Variants in CA1 observed in about 807,000 individuals in gnomAD.
The protein encoded by CA1 is carbonate dehydratase I.
A neutral mutation model predicts 28.8 loss-of-function variants in CA1; 27 were observed. That is an observed-to-expected ratio of 0.94 (90% CI 0.69 to 1.29). The LOEUF is 1.29. Ranked by LOEUF, CA1 falls within the 50% of genes most tolerant of loss-of-function variation. The pLI is 0.00. For missense variants in CA1, 335 were observed against 310.5 expected (o/e 1.08, Z -0.59); for synonymous variants, 121 against 108.8 (o/e 1.11, Z -0.70).
intron 1 of CA1, among the ~76,000 whole-genome samples, chr8:85,360,284 A>C (rs545916680): frequency 6.6e-6 from 1 of 152,360 alleles, no homozygotes; most frequent in South Asian, 2.1e-4. Flanking sequence ...ATTTTCCCTG[A>C]AAGTAGGCCT....
At chr8:85,352,332 T>G (rs1435147929) in intron 1 of CA1, among the ~76,000 whole-genome samples, 1 of 152,142 alleles carries the variant, frequency 6.6e-6, no homozygotes, top group African/African-American at 2.4e-5. Context: ...GCTCCCTCTC[T>G]CTACTTCCTC....
intron 1 of CA1, among the ~76,000 whole-genome samples, chr8:85,350,373 G>A (rs1809356929): frequency 6.6e-6 from 1 of 152,168 alleles, no homozygotes; most frequent in Non-Finnish European, 1.5e-5. Context: ...GACTTGAAAG[G>A]CGCTGCATTT....
In CA1 at chr8:85,340,389, T is replaced by C. The variant is rs542283287; in HGVS notation, c.37+1210A>G. Among the ~76,000 whole-genome samples the C allele has an allele frequency of 2.0e-5, 3 of 152,322 alleles. No individual in the cohort carries two copies. The South Asian group carries it at 6.2e-4, about 32-fold the overall frequency. ...TACTGACTATTTTCAAGCCCACTGT[T>C]GAGCTCTACTCCTCAGTAAAAGAAG... On this transcript the variant is annotated intron_variant, in intron 2 of 7. Coordinates refer to ENST00000523022, the MANE Select transcript of CA1 (RefSeq NM_001128831.4).
chr8:85,377,114 C>CT (rs1810448671), intron 1 of CA1, among the ~76,000 whole-genome samples: 2 of 152,094 alleles, frequency 1.3e-5, no homozygotes, highest in South Asian at 4.2e-4. Context: ...TGTTAAGTTA[C>CT]TTGAAGCATT....
At chr8:85,355,334 G>A (rs1017279707) in intron 1 of CA1, among the ~76,000 whole-genome samples, 1 of 152,118 alleles carries the variant, frequency 6.6e-6, no homozygotes, top group Non-Finnish European at 1.5e-5. Flanking sequence ...TACAAAGAAA[G>A]AAACTTTAAA....
intron 1 of CA1, among the ~76,000 whole-genome samples, chr8:85,344,199 ACAG>A (rs1809050206): frequency 1.8e-5 from 2 of 113,072 alleles, no homozygotes; most frequent in Non-Finnish European, 3.3e-5. Context: ...TATATATTAT[ACAG>A]TATATAATAT....
In CA1 at chr8:85,377,103, T is replaced by G. The variant is rs539179254; in HGVS notation, c.-25+943A>C. 1.1e-4 allele frequency among the ~76,000 whole-genome samples: 17 copies of G among 152,332 alleles called. 2 individuals carry two copies. The highest frequency in any genetic ancestry group is 1.1e-3 in the Admixed American group (17 of 15,308). On this transcript the variant is annotated intron_variant, in intron 1 of 7. Transcript: ENST00000523022. ...CTTGAGATAACCTATGAAAGATTGT[T>G]TGTTAAGTTACTTGAAGCATTTAAT...
chr8:85,350,392 C>A (rs553066378), intron 1 of CA1, among the ~76,000 whole-genome samples: 1 of 152,270 alleles, frequency 6.6e-6, no homozygotes, highest in East Asian at 1.9e-4. Context: ...TTCAAAACCC[C>A]AGGGTTATGA....
intron 1 of CA1, among the ~76,000 whole-genome samples, chr8:85,348,837 A>C (rs1274567789): frequency 2.6e-5 from 4 of 152,250 alleles, no homozygotes; most frequent in Non-Finnish European, 5.9e-5. Context: ...GCAGATGCAC[A>C]GTAAAAGATG....
At chr8:85,338,694 C>CTT (rs1808783463) in intron 2 of CA1, among the ~76,000 whole-genome samples, 2 of 97,440 alleles carry the variant, frequency 2.1e-5, no homozygotes, top group South Asian at 6.4e-4. Context: ...CCTTCTTTCT[C>CTT]TCTCTCTCTT....
At chr8:85,344,800 A>C (rs931694132) in intron 1 of CA1, among the ~76,000 whole-genome samples, 2 of 152,210 alleles carry the variant, frequency 1.3e-5, no homozygotes, top group Non-Finnish European at 2.9e-5. Context: ...AATTCCAAAA[A>C]GCCAGAGCTG....
chr8:85,336,058 CAT>C, intron 4 of CA1, among the ~76,000 whole-genome samples: 1 of 152,194 alleles, frequency 6.6e-6, no homozygotes, highest in African/African-American at 2.4e-5. Flanking sequence ...TAACAAAAAT[CAT>C]ATGTTGTGAT....
At position 85,349,204 on chromosome 8, in the gene CA1, C is replaced by T. The variant is rs918014051; in HGVS notation, c.-24-7545G>A. On this transcript the variant is annotated intron_variant, in intron 1 of 7. Transcript: ENST00000523022. ...CCAATAGAATGAGACCATTTTACTCCTGTACTTTTTTTACTCACATGATCT... is the reference window on the plus strand; with the variant it reads ...CCAATAGAATGAGACCATTTTACTCTTGTACTTTTTTTACTCACATGATCT... Among the ~76,000 whole-genome samples the T allele has an allele frequency of 7.2e-5, 11 of 152,270 alleles. No individual in the cohort carries two copies. The East Asian group carries it at 1.5e-3, about 21-fold the overall frequency.
In CA1 at chr8:85,341,600, AT is replaced by A; in HGVS notation, c.35del (p.Asn12MetfsTer34). On this transcript the variant is annotated frameshift_variant and splice_region_variant, in exon 2 of 8. Transcript: ENST00000523022. LOFTEE classifies it high-confidence loss of function. ...ASPDWGYDDK[N>X]GPEQWSKLYP... The stretch of plus-strand genomic sequence containing the variant: ...CTATATAAACAGGAGAACTCTTACC[AT>A]TTTTGTCATCATATCCCCAGTCTGG... 1 of 1,585,610 alleles carries A rather than the reference AT, an allele frequency of 6.3e-7. No individual in the cohort carries two copies. The highest frequency in any genetic ancestry group is 8.7e-7 in the Non-Finnish European group (1 of 1,154,262).
rs746752316 is a variant in CA1, at chr8:85,327,811, A to G, written c.*749T>C. The G allele has an allele frequency of 2.0e-5, 3 of 152,214 alleles. No individual in the cohort carries two copies. The highest frequency in any genetic ancestry group is 6.5e-5 in the Admixed American group (1 of 15,272). 9.4% of individuals were successfully genotyped at this position (152,214 alleles called of 1,614,324 possible). ...GATTCTAAGCAAGAATGACTTCTTT[A>G]GCATTTTTATAAACCATTCACTTGT... On this transcript the variant is annotated 3_prime_UTR_variant, in exon 8 of 8. Coordinates refer to ENST00000523022, the MANE Select transcript of CA1 (RefSeq NM_001128831.4).
At chr8:85,366,239 C>T (rs1810003253) in intron 1 of CA1, among the ~76,000 whole-genome samples, 1 of 149,054 alleles carries the variant, frequency 6.7e-6, no homozygotes, top group Admixed American at 6.7e-5. Flanking sequence ...TTTTGAACTC[C>T]TGAGCTCAAG....
intron 3 of CA1, 183 bp from the exon 4 acceptor site, chr8:85,337,246 T>G: frequency 3.3e-6 from 2 of 608,066 alleles, no homozygotes; most frequent in Non-Finnish European, 6.0e-6. Flanking sequence ...GGTGCACCCC[T>G]GACTGTGGCA....
chr8:85,352,299 C>G lies in CA1; in HGVS notation c.-24-10640G>C, dbSNP rs1759402105. On this transcript the variant is annotated intron_variant, in intron 1 of 7. Transcript: ENST00000523022. ...TCACATTTGGCCCCGCTACATGTTA[C>G]AAGTGGCACTTGCAGAATCCTGGCT... 3.3e-5 allele frequency among the ~76,000 whole-genome samples: 5 copies of G among 152,282 alleles called. No individual in the cohort carries two copies. The South Asian group carries it at 1.0e-3, about 32-fold the overall frequency.
chr8:85,372,113 A>G (rs1057461711), intron 1 of CA1, among the ~76,000 whole-genome samples: 2 of 152,182 alleles, frequency 1.3e-5, no homozygotes, highest in South Asian at 4.1e-4. Context: ...TCCTAGAGTC[A>G]TGTTTATTTT....
Sources: gnomAD v4.1 joint callset for allele counts (sites outside exome capture counted in the v4.1 genomes callset) on GRCh38, gnomAD v4.1.1 for gene constraint, MANE v1.5 for transcripts, NCBI Gene and HGNC (gene_info 2026-07-23, HGNC 2026-07-21) for gene names.